GMDS: variants seen among roughly 807,000 people sequenced by gnomAD.
GMDS encodes the protein GDP-mannose 4,6-dehydratase.
Under a neutral mutation model 49.9 loss-of-function variants are expected in GMDS, and 20 were observed. That is an observed-to-expected ratio of 0.40 (90% CI 0.28 to 0.58). The LOEUF (loss-of-function observed/expected upper bound fraction) is 0.58, where lower values mean the gene tolerates loss of function less well. GMDS is among the 20% of genes least tolerant of loss of function. The pLI is 0.42. For missense variants in GMDS, 362 were observed against 481.4 expected (o/e 0.75, Z 2.32); for synonymous variants, 177 against 178.6 (o/e 0.99, Z 0.07).
chr6:2,024,119 A>G (rs1466772610), intron 4 of GMDS, among the ~76,000 whole-genome samples: 2 of 152,216 alleles, frequency 1.3e-5, no homozygotes, highest in Non-Finnish European at 2.9e-5. Flanking sequence ...TTACACCAAT[A>G]GCAAAAATAG....
chr6:1,890,270 G>C (rs779004961), intron 7 of GMDS, among the ~76,000 whole-genome samples: 4 of 152,280 alleles, frequency 2.6e-5, no homozygotes, highest in Non-Finnish European at 5.9e-5. Flanking sequence ...CCAGTCTAGT[G>C]GGGGTGAAGT....
intron 1 of GMDS, among the ~76,000 whole-genome samples, chr6:2,153,524 G>T (rs1195207304): frequency 6.6e-6 from 1 of 152,156 alleles, no homozygotes; most frequent in Non-Finnish European, 1.5e-5. Context: ...GAAAATGGCA[G>T]TTGATGAACA....
chr6:1,630,320 C>T (rs9405499), intron 9 of GMDS, among the ~76,000 whole-genome samples: 39,453 of 151,986 alleles, frequency 0.26, 5,922 homozygotes, highest in East Asian at 0.64. Context: ...CCGCATGTGG[C>T]CTATGCAGTT....
chr6:2,126,290 T>A (rs1775430385), intron 1 of GMDS, among the ~76,000 whole-genome samples: 1 of 152,158 alleles, frequency 6.6e-6, no homozygotes, highest in South Asian at 2.1e-4. Flanking sequence ...GACGAAAAGA[T>A]AAAAATGGGA....
intron 7 of GMDS, among the ~76,000 whole-genome samples, chr6:1,865,593 AAACAAGGAGACCTCAGAATGCTTAGGTT>A (rs1436160330): frequency 6.6e-6 from 1 of 152,212 alleles, no homozygotes; most frequent in African/African-American, 2.4e-5. Context: ...CTTCCCTACC[AAACAAGGAGACCTCAGAATGCTTAGGTT>A]AAAAAAGAAA....
intron 2 of GMDS, among the ~76,000 whole-genome samples, chr6:2,121,047 C>G (rs1275384426): frequency 6.6e-6 from 1 of 152,164 alleles, no homozygotes; most frequent in Non-Finnish European, 1.5e-5. Context: ...TGCTTATCAT[C>G]CCCATTTACA....
intron 4 of GMDS, among the ~76,000 whole-genome samples, chr6:2,000,190 C>T (rs1286628045): frequency 3.4e-5 from 5 of 146,870 alleles, no homozygotes; most frequent in Middle Eastern, 3.4e-3. Context: ...CGCCCGCCAC[C>T]ATGCCCGGCT....
Position 2,032,007 on chromosome 6 carries a change from A to G in GMDS, c.346-71041T>C, listed in dbSNP as rs144079607. On this transcript the variant is annotated intron_variant, in intron 4 of 10. Transcript: ENST00000380815. Reference sequence around the variant, plus strand: ...AAGTCTTAAACTATATTAAAAATTTATAATTGTATAATCAGAACTTATTAT... The same window carrying G: ...AAGTCTTAAACTATATTAAAAATTTGTAATTGTATAATCAGAACTTATTAT... Among the ~76,000 whole-genome samples the G allele has an allele frequency of 2.5e-3, 375 of 152,338 alleles. 5 individuals are homozygous for G. The highest frequency in any genetic ancestry group is 8.7e-3 in the African/African-American group (360 of 41,582).
At chr6:1,989,039 T>G (rs1765755207) in intron 4 of GMDS, among the ~76,000 whole-genome samples, 1 of 152,232 alleles carries the variant, frequency 6.6e-6, no homozygotes, top group Non-Finnish European at 1.5e-5. Context: ...CCCATGCTCA[T>G]TTTTTCTTAC....
chr6:1,668,760 C>T (rs915887450), intron 9 of GMDS, among the ~76,000 whole-genome samples: 8 of 151,842 alleles, frequency 5.3e-5, no homozygotes, highest in African/African-American at 1.7e-4. Flanking sequence ...GGAGCCAAAA[C>T]ATTAAAACAG....
intron 1 of GMDS, among the ~76,000 whole-genome samples, chr6:2,130,529 C>T (rs1190282698): frequency 2.0e-5 from 3 of 152,332 alleles, no homozygotes; most frequent in East Asian, 3.9e-4. Context: ...GTTGCACATA[C>T]ACCTCAAACC....
At position 2,124,742 on chromosome 6, in the gene GMDS, A is replaced by T; in HGVS notation, c.103-11T>A. 6.2e-7 allele frequency: 1 copy of T among 1,611,416 alleles called. No homozygotes were observed. Among genetic ancestry groups the T allele is most frequent in the Non-Finnish European group, 8.5e-7 (1 of 1,178,000 alleles). On this transcript the variant is annotated splice_polypyrimidine_tract_variant and intron_variant, in intron 1 of 10. Transcript: ENST00000380815. ...CAGGTAGGAACCATCCTGGGGAGAA[A>T]GAAAAAATTGCAAAACGTCAGTCTC...
At chr6:1,716,630 A>T (rs1356301597) in intron 9 of GMDS, among the ~76,000 whole-genome samples, 1 of 152,034 alleles carries the variant, frequency 6.6e-6, no homozygotes, top group Non-Finnish European at 1.5e-5. Context: ...GTGTGGTGAT[A>T]TTGGCTCTAC....
At chr6:1,661,562 G>A (rs1285109409) in intron 9 of GMDS, among the ~76,000 whole-genome samples, 3 of 152,210 alleles carry the variant, frequency 2.0e-5, no homozygotes, top group African/African-American at 7.2e-5. Flanking sequence ...CACACACGGA[G>A]GCGTGCTAGT....
intron 4 of GMDS, among the ~76,000 whole-genome samples, chr6:2,085,520 G>A (rs560566673): frequency 6.6e-6 from 1 of 152,010 alleles, no homozygotes; most frequent in South Asian, 2.1e-4. Flanking sequence ...CAGTCTCCTC[G>A]GAAGAGAAAA....
chr6:1,873,161 C>CA (rs978335108), intron 7 of GMDS, among the ~76,000 whole-genome samples: 1 of 152,222 alleles, frequency 6.6e-6, no homozygotes, highest in African/African-American at 2.4e-5. Context: ...TATCTCCCTA[C>CA]AGGGCTGTTG....
intron 9 of GMDS, among the ~76,000 whole-genome samples, chr6:1,649,173 G>A (rs1173869163): frequency 6.6e-6 from 1 of 152,178 alleles, no homozygotes; most frequent in East Asian, 1.9e-4. Context: ...AGCCACTGGG[G>A]GTCCTGGTTT....
At chr6:1,873,717 T>C (rs928547010) in intron 7 of GMDS, among the ~76,000 whole-genome samples, 1 of 152,242 alleles carries the variant, frequency 6.6e-6, no homozygotes, top group Admixed American at 6.5e-5. Context: ...CCTCTTTATC[T>C]GTGATTTCAA....
At chr6:2,202,597 C>G (rs766720885) in intron 1 of GMDS, among the ~76,000 whole-genome samples, 5 of 152,048 alleles carry the variant, frequency 3.3e-5, no homozygotes, top group Non-Finnish European at 7.4e-5. Context: ...TTGATGGAAA[C>G]TGAGTAAGGT....
Sources: allele counts gnomAD v4.1 joint callset (sites outside exome capture counted in the v4.1 genomes callset), GRCh38; gene constraint gnomAD v4.1.1; transcripts MANE v1.5; gene names NCBI Gene and HGNC (gene_info 2026-07-23, HGNC 2026-07-21).